The following MEGF10 variants were observed in gnomAD, a reference collection of about 807,000 sequenced individuals.
MEGF10 encodes the protein multiple epidermal growth factor-like domains protein 10.
In MEGF10, 86 loss-of-function variants were observed where a neutral mutation model predicts 147.5. The ratio of observed to expected loss-of-function variants is 0.58; its 90% CI spans 0.49 to 0.70. MEGF10 has a LOEUF of 0.70. MEGF10 is among the 30% of genes least tolerant of loss of function. MEGF10 has a pLI of 0.00. For synonymous variants in MEGF10, 478 were observed against 525.5 expected, an observed-to-expected ratio of 0.91 and a Z score of 1.24; for missense variants, 1,329 against 1,487.3, an observed-to-expected ratio of 0.89 and a Z score of 1.75.
At chr5:127,344,367 T>C (rs1478480743) in intron 4 of MEGF10, among the ~76,000 whole-genome samples, 1 of 152,226 alleles carries the variant, frequency 6.6e-6, no homozygotes, top group African/African-American at 2.4e-5. Context: ...GAGGCAGATA[T>C]AATCGTACCC....
intron 4 of MEGF10, among the ~76,000 whole-genome samples, 169 bp downstream of exon 4, chr5:127,340,799 C>T (rs1196774237): frequency 6.6e-6 from 1 of 152,184 alleles, no homozygotes; most frequent in Non-Finnish European, 1.5e-5. Flanking sequence ...AACATTAACT[C>T]TGTCCTCCTG....
At chr5:127,332,289 T>C (rs1761291542) in intron 2 of MEGF10, among the ~76,000 whole-genome samples, 2 of 149,586 alleles carry the variant, frequency 1.3e-5, no homozygotes, top group African/African-American at 4.8e-5. Flanking sequence ...AAACTGTAAA[T>C]GCAAGTGTTT....
chr5:127,447,154 G>A (rs1024556108), intron 20 of MEGF10, among the ~76,000 whole-genome samples: 20 of 151,958 alleles, frequency 1.3e-4, no homozygotes, highest in Non-Finnish European at 2.2e-4. Context: ...GAAGGAGTCC[G>A]GACATTTGTT....
intron 9 of MEGF10, among the ~76,000 whole-genome samples, chr5:127,414,539 C>G (rs1229204050): frequency 6.6e-6 from 1 of 151,960 alleles, no homozygotes; most frequent in Non-Finnish European, 1.5e-5. Context: ...TCCTTTAAGC[C>G]AAGACTTTGA....
intron 10 of MEGF10, among the ~76,000 whole-genome samples, 187 bp from the exon 11 acceptor site, chr5:127,418,933 G>A (rs1300651366): frequency 2.0e-5 from 3 of 152,164 alleles, no homozygotes; most frequent in African/African-American, 7.2e-5. Flanking sequence ...ACATAGACCA[G>A]CTAGTGTTGC....
chr5:127,344,328 A>G (rs138815081), intron 4 of MEGF10, among the ~76,000 whole-genome samples: 82 of 152,306 alleles, frequency 5.4e-4, no homozygotes, highest in African/African-American at 1.9e-3. Flanking sequence ...AGGTATATAC[A>G]TTATCTTATA....
chr5:127,353,648 C>T (rs1032914755), intron 4 of MEGF10, among the ~76,000 whole-genome samples: 1 of 152,224 alleles, frequency 6.6e-6, no homozygotes, highest in Non-Finnish European at 1.5e-5. Flanking sequence ...CTCCCATTCT[C>T]TTTGCCCCAC....
At chr5:127,370,266 G>A (rs939669854) in intron 5 of MEGF10, among the ~76,000 whole-genome samples, 2 of 152,188 alleles carry the variant, frequency 1.3e-5, no homozygotes, top group Non-Finnish European at 2.9e-5. Context: ...GGATATGAAT[G>A]CATTTTCTAG....
intron 1 of MEGF10, among the ~76,000 whole-genome samples, chr5:127,292,216 C>G (rs946193179): frequency 2.0e-5 from 3 of 152,106 alleles, no homozygotes; most frequent in Non-Finnish European, 2.9e-5. Flanking sequence ...TCTGGGCACC[C>G]GCCAGCCTGG....
intron 5 of MEGF10, among the ~76,000 whole-genome samples, chr5:127,380,504 C>CT (rs954262461): frequency 6.7e-6 from 1 of 149,450 alleles, no homozygotes; most frequent in African/African-American, 2.5e-5. Context: ...TAGACACATT[C>CT]TTTTTTTTCT....
In MEGF10 at chr5:127,335,810, G is replaced by A. The variant is rs542204612; in HGVS notation, c.117-3310G>A. 9.9e-5 allele frequency among the ~76,000 whole-genome samples: 15 copies of A among 151,960 alleles called. No homozygotes were observed. The South Asian group carries it at 3.1e-3, about 32-fold the overall frequency. ...GAAGCACAACAACATGCTGTTGGTG[G>A]TTATGTGAGAGCTATGGAGTTCTGT... On this transcript the variant is annotated intron_variant, in intron 2 of 24. Coordinates refer to ENST00000503335, the MANE Select transcript of MEGF10 (RefSeq NM_001256545.2).
At chr5:127,358,539 G>A (rs996253619) in intron 4 of MEGF10, among the ~76,000 whole-genome samples, 1 of 152,184 alleles carries the variant, frequency 6.6e-6, no homozygotes, top group African/African-American at 2.4e-5. Context: ...CAGGGCAAGA[G>A]AAATGCCATT....
chr5:127,239,432 AAC>A, the MEGF10 span, among the ~76,000 whole-genome samples: 10 of 141,838 alleles, frequency 7.1e-5, no homozygotes, highest in East Asian at 1.2e-3. Flanking sequence ...AGAGAGAATA[AAC>A]ACAGTATATA....
At chr5:127,266,045 T>C in the MEGF10 span, among the ~76,000 whole-genome samples, 1 of 152,152 alleles carries the variant, frequency 6.6e-6, no homozygotes, top group African/African-American at 2.4e-5. Context: ...AGGTTTTTTA[T>C]GGTTTTAGGT....
intron 22 of MEGF10, among the ~76,000 whole-genome samples, chr5:127,453,919 C>A (rs901391088): frequency 2.0e-5 from 3 of 152,136 alleles, no homozygotes; most frequent in African/African-American, 7.2e-5. Flanking sequence ...CCAGCATGAG[C>A]CGGAACACTC....
At chr5:127,439,754 A>G (rs911264742) in intron 17 of MEGF10, among the ~76,000 whole-genome samples, 3 of 152,194 alleles carry the variant, frequency 2.0e-5, no homozygotes, top group African/African-American at 7.2e-5. Context: ...CCGTCCTGCC[A>G]GTTGCCAGCT....
intron 13 of MEGF10, among the ~76,000 whole-genome samples, chr5:127,426,918 C>T (rs976894239): frequency 6.6e-6 from 1 of 152,198 alleles, no homozygotes; most frequent in Non-Finnish European, 1.5e-5. Flanking sequence ...GGGAACTCTT[C>T]GAACTTGCAT....
At chr5:127,421,060 C>T (rs536444560) in intron 12 of MEGF10, among the ~76,000 whole-genome samples, 2 of 152,214 alleles carry the variant, frequency 1.3e-5, no homozygotes, top group South Asian at 4.1e-4. Flanking sequence ...AAGGATCCCA[C>T]TCATGGATAT....
the MEGF10 span, among the ~76,000 whole-genome samples, chr5:127,252,977 A>T: frequency 6.6e-6 from 1 of 151,920 alleles, no homozygotes. Context: ...GCCAAATTTG[A>T]CAAAGATAAC....
Sources: allele counts gnomAD v4.1 joint callset (sites outside exome capture counted in the v4.1 genomes callset), GRCh38; gene constraint gnomAD v4.1.1; transcripts MANE v1.5; gene names NCBI Gene and HGNC (gene_info 2026-07-23, HGNC 2026-07-21).